CFAP65: variants seen among roughly 807,000 people sequenced by gnomAD.
The protein encoded by CFAP65 is cilia- and flagella-associated protein 65.
A neutral mutation model predicts 208.0 loss-of-function variants in CFAP65; 155 were observed. The ratio of observed to expected loss-of-function variants is 0.75; its 90% confidence interval spans 0.65 to 0.85. The LOEUF is 0.85. CFAP65 is among the 40% of genes least tolerant of loss of function. The pLI is 0.00. For synonymous variants in CFAP65, 970 were observed against 986.3 expected, an observed-to-expected ratio of 0.98 and a Z score of 0.31; for missense variants, 2,294 against 2,451.3, an observed-to-expected ratio of 0.94 and a Z score of 1.36.
rs1947968528 is a variant in CFAP65 at position 219,030,847 on chromosome 2, TG to T, written c.1016-14del. 1.2e-6 allele frequency: 2 copies of T among 1,611,276 alleles called. No individual in the cohort carries two copies. Among genetic ancestry groups the T allele is most frequent in the South Asian group, 2.2e-5 (2 of 90,636 alleles). ...TGGGCGCACTTGGCTGGGGCAGAGA[TG>T]GGGGAGTCTTGGGGGAACCCACCAG... is the stretch of plus-strand genomic sequence containing the variant. On this transcript the variant is annotated splice_polypyrimidine_tract_variant and intron_variant, in intron 8 of 34. Transcript: ENST00000341552.
At chr2:219,035,380 T>A in intron 5 of CFAP65, 100 bp downstream of exon 5, 1 of 1,605,336 alleles carries the variant, frequency 6.2e-7, no homozygotes, top group South Asian at 1.1e-5. Flanking sequence ...TTATATGGCA[T>A]GTTAAAGGTT....
Position 219,031,531 on chromosome 2 carries a change from A to G in CFAP65, c.773T>C (p.Val258Ala). 6.2e-7 allele frequency: 1 copy of G among 1,614,166 alleles called. No homozygotes were observed. Among genetic ancestry groups the G allele is most frequent in the South Asian group, 1.1e-5 (1 of 91,078 alleles). Residue 258 changes from valine (V) to alanine (A), a missense_variant, in exon 7 of 35, where the codon GTG becomes GCG. This residue lies in a region of CFAP65 where 867 missense variants were observed against 1,012.6 expected (regional missense o/e 0.86). Coordinates refer to ENST00000341552, the MANE Select transcript of CFAP65 (RefSeq NM_194302.4). The surrounding 1 kb of genome is among the most constrained non-coding windows in gnomAD (Gnocchi z 5.2). ...PPSLQLPMCA[V>A]GDTTEAFFCL... The stretch of plus-strand genomic sequence containing the variant: ...GAAAAAGGCCTCAGTCGTATCTCCC[A>G]CAGCACACATGGGCAGCTGCAGGGA...
chr2:219,013,953 C>A lies in CFAP65; in HGVS notation c.3694G>T (p.Val1232Leu), dbSNP rs765873237. 8 of 1,613,552 alleles carry A rather than the reference C, an allele frequency of 5.0e-6. No individual in the cohort carries two copies. The highest frequency in any genetic ancestry group is 6.8e-6 in the Non-Finnish European group (8 of 1,179,866). The change falls in exon 22 of 35, where the codon GTG becomes TTG. Residue 1232 changes from valine to leucine, a missense_variant. Physicochemically the swap from Val to Leu is conservative, Grantham distance 32. Transcript: ENST00000341552. The part of the protein sequence containing the change: ...LNSTELHQMR[V>L]QDNCLFSISP... ...ATGGAGAAGAGGCAATTGTCCTGCA[C>A]GCGCATCTGGTGGAGCTCAGTGGAA...
intron 2 of CFAP65, among the ~76,000 whole-genome samples, chr2:219,040,170 C>T (rs930843055): frequency 6.6e-6 from 1 of 152,282 alleles, no homozygotes; most frequent in African/African-American, 2.4e-5. Context: ...ATTCTTACAA[C>T]AGTTTATGAT....
At chr2:219,036,941 T>C (rs1420777744) in intron 4 of CFAP65, among the ~76,000 whole-genome samples, 4 of 152,208 alleles carry the variant, frequency 2.6e-5, no homozygotes, top group Non-Finnish European at 5.9e-5. Flanking sequence ...CAATATTTAC[T>C]GAGTGTGTCT....
At position 219,031,643 on chromosome 2, in the gene CFAP65, G is replaced by C. The variant is rs141778201; in HGVS notation, c.661C>G (p.Gln221Glu). ...RPLEAKEYMD[Q>E]LWFEKAEGMF... is the part of the protein sequence containing the mutation. ...CCCTCCGCTTTCTCAAACCACAGCT[G>C]GTCCATGTACTCCTTCTGCAGTGTG... Residue 221 changes from glutamine to glutamate, a missense_variant, in exon 7 of 35, where the codon CAG becomes GAG. By Grantham distance (29) the Gln-to-Glu change is conservative. Coordinates refer to ENST00000341552, the MANE Select transcript of CFAP65 (RefSeq NM_194302.4). This position sits in a 1 kb window ranked among gnomAD's most constrained non-coding sequence, Gnocchi z 5.2. 1.6e-4 allele frequency: 256 copies of C among 1,611,144 alleles called. 4 individuals are homozygous for C. The African/African-American group carries it at 3.0e-3, about 19-fold the overall frequency.
intron 17 of CFAP65, 112 bp from the exon 18 acceptor site, chr2:219,022,042 C>T (rs567627731): frequency 3.7e-5 from 57 of 1,535,624 alleles, no homozygotes; most frequent in Middle Eastern, 2.0e-4. Flanking sequence ...TTGGGGTATC[C>T]GGGGCAGAGG....
chr2:219,014,626 G>A (rs548614395), intron 21 of CFAP65: 1 of 152,624 alleles, frequency 6.6e-6, no homozygotes, highest in African/African-American at 2.4e-5. Flanking sequence ...GTCACAATCT[G>A]AAAGGAGAAC....
chr2:219,033,919 A>C (rs957762963), intron 5 of CFAP65: 8 of 152,244 alleles, frequency 5.3e-5, no homozygotes, highest in African/African-American at 1.7e-4. Flanking sequence ...GGATTTGCCA[A>C]GATCACTGAA....
At chr2:219,027,428 G>A in intron 13 of CFAP65, 1 of 1,512,626 alleles carries the variant, frequency 6.6e-7, no homozygotes, top group Admixed American at 2.1e-5. Flanking sequence ...TCCCTTGGAG[G>A]GGAGGGGAGA....
At position 219,029,565 on chromosome 2, in the gene CFAP65, C is replaced by T. The variant is rs1388203166; in HGVS notation, c.1488G>A (p.Thr496=). The T allele has an allele frequency of 7.4e-6, 12 of 1,614,122 alleles. No individual in the cohort carries two copies. In the East Asian group the frequency reaches 1.1e-4, roughly 15 times the overall value. Residue 496 remains threonine (T), a synonymous_variant, in exon 11 of 35, where the codon ACG becomes ACA. Coordinates refer to ENST00000341552, the MANE Select transcript of CFAP65 (RefSeq NM_194302.4). ...AGTCGATGGCAAACTGGAAGTGGGC[C>T]GTGCAGTCCGATTGGTTCTCAATCC... is the stretch of plus-strand genomic sequence containing the variant. ...PLWIENQSDC[T]AHFQFAIDCL...
chr2:219,035,100 G>GAAAA, intron 5 of CFAP65: 12 of 318,074 alleles, frequency 3.8e-5, no homozygotes, highest in South Asian at 5.6e-5. Flanking sequence ...AACTACGCAG[G>GAAAA]AAAAAAAAAA....
At position 219,019,610 on chromosome 2, in the gene CFAP65, G is replaced by T. The variant is rs145661891; in HGVS notation, c.3369C>A (p.Thr1123=). ...AGAAGAGGCGCCACAGGTGCTTCCGGGTGATACCCTCAGCACTGCCCATGG... is the reference window on the plus strand; with the variant it reads ...AGAAGAGGCGCCACAGGTGCTTCCGTGTGATACCCTCAGCACTGCCCATGG... The part of the protein sequence containing the change: ...VSSMGSAEGI[T]RKHLWRLFSL... The change falls in exon 20 of 35, where the codon ACC becomes ACA. Residue 1123 remains threonine, a synonymous_variant. Coordinates refer to ENST00000341552, the MANE Select transcript of CFAP65 (RefSeq NM_194302.4). 4.3e-6 allele frequency: 7 copies of T among 1,613,704 alleles called. No individual in the cohort carries two copies. Among genetic ancestry groups the T allele is most frequent in the African/African-American group, 1.3e-5 (1 of 74,942 alleles).
At chr2:219,029,707 A>C (rs372617104) in intron 10 of CFAP65, 39 bp from the exon 11 acceptor site, 15 of 1,595,946 alleles carry the variant, frequency 9.4e-6, no homozygotes, top group Admixed American at 1.7e-5. Context: ...CCCCAAGGAT[A>C]TCTTAGACAA....
rs143077883 is a variant in CFAP65 at position 219,031,251 on chromosome 2, G to A, written c.870C>T (p.Pro290=). 1,971 of 1,613,862 alleles carry A rather than the reference G, an allele frequency of 1.2e-3. 2 individuals carry two copies. Among genetic ancestry groups the A allele is most frequent in the Non-Finnish European group, 1.5e-3 (1,749 of 1,179,926 alleles). ...WEFSSPFQML[P]ATGLLEPGQA... is the part of the protein sequence containing the mutation. Reference sequence around the variant, plus strand: ...GGCCTGGCTCCAGGAGCCCCGTGGCGGGCAGCATCTGGAATGGGCTGGAGA... The same window carrying A: ...GGCCTGGCTCCAGGAGCCCCGTGGCAGGCAGCATCTGGAATGGGCTGGAGA... The change falls in exon 8 of 35, where the codon CCC becomes CCT. Residue 290 remains proline, a synonymous_variant. Transcript: ENST00000341552. The surrounding 1 kb of genome is among the most constrained non-coding windows in gnomAD (Gnocchi z 5.2).
At position 219,006,337 on chromosome 2, in the gene CFAP65, C is replaced by A. The variant is rs1177403864; in HGVS notation, c.4720-114G>T. 3 of 1,476,408 alleles carry A rather than the reference C, an allele frequency of 2.0e-6. No individual in the cohort carries two copies. The Admixed American group carries it at 5.1e-5, about 25-fold the overall frequency. The allele number at this position is 1,476,408 out of a possible 1,614,324, so 91.5% of individuals were successfully genotyped here. On this transcript the variant is annotated intron_variant, in intron 30 of 34. Transcript: ENST00000341552. ...CTCTTTGGGCCACATAAGCGTGTGACCCCACTCATTGGCACTTTCATCCCT... is the reference window on the plus strand; with the variant it reads ...CTCTTTGGGCCACATAAGCGTGTGAACCCACTCATTGGCACTTTCATCCCT...
At chr2:219,028,074 G>A (rs1053901064) in intron 12 of CFAP65, 65 bp from the exon 13 acceptor site, 5 of 1,532,866 alleles carry the variant, frequency 3.3e-6, no homozygotes, top group Non-Finnish European at 4.4e-6. Flanking sequence ...CCCCTCCTGG[G>A]TACACTCCTG....
rs534592334 is a variant in CFAP65 at position 219,012,655 on chromosome 2, T to C, written c.3957+604A>G. On this transcript the variant is annotated intron_variant, in intron 24 of 34. Transcript: ENST00000341552. ...ACATTTCCAGAGCAAGGAAACTGTATTGCCTTCAATCAGTAAAGAAAGAAA... is the reference window on the plus strand; with the variant it reads ...ACATTTCCAGAGCAAGGAAACTGTACTGCCTTCAATCAGTAAAGAAAGAAA... Among the ~76,000 whole-genome samples, 183 of 152,372 alleles carry C rather than the reference T, an allele frequency of 1.2e-3. 2 individuals are homozygous for C. Among genetic ancestry groups the C allele is most frequent in the Non-Finnish European group, 7.3e-4 (50 of 68,034 alleles).
At chr2:219,023,177 C>A (rs773774093) in intron 16 of CFAP65, 30 bp downstream of exon 16, 4 of 1,574,088 alleles carry the variant, frequency 2.5e-6, no homozygotes, top group Non-Finnish European at 3.5e-6. Flanking sequence ...GTGAAGGTTG[C>A]CGTCACTCGG....
Sources: allele counts gnomAD v4.1 joint callset (sites outside exome capture counted in the v4.1 genomes callset), GRCh38; gene constraint gnomAD v4.1.1; regional missense constraint gnomAD v4.1.1; non-coding constraint Gnocchi (gnomAD v3.1); transcripts MANE v1.5; gene names NCBI Gene and HGNC (gene_info 2026-07-23, HGNC 2026-07-21).